The following CDH13 variants were observed in gnomAD, a reference collection of about 807,000 sequenced individuals.
The protein encoded by CDH13 is cadherin 13.
Under a neutral mutation model 63.8 loss-of-function variants are expected in CDH13, and 24 were observed. That is an observed-to-expected ratio of 0.38 (90% CI 0.27 to 0.53). The LOEUF is 0.53. Ranked by LOEUF, CDH13 falls within the 20% of genes least tolerant of loss-of-function variation. The pLI is 0.85. For synonymous variants in CDH13, 503 were observed against 355.3 expected, an observed-to-expected ratio of 1.42 and a Z score of -4.67; for missense variants, 1,049 against 903.1, an observed-to-expected ratio of 1.16 and a Z score of -2.07.
At chr16:82,991,061 C>T (rs1212148266) in intron 2 of CDH13, among the ~76,000 whole-genome samples, 1 of 152,158 alleles carries the variant, frequency 6.6e-6, no homozygotes, top group East Asian at 1.9e-4. Flanking sequence ...GCATCCCTGC[C>T]ATGCACCTGC....
At chr16:82,658,459 A>G (rs552251771) in intron 1 of CDH13, among the ~76,000 whole-genome samples, 1 of 152,228 alleles carries the variant, frequency 6.6e-6, no homozygotes, top group Non-Finnish European at 1.5e-5. Context: ...ACATTTTAAT[A>G]TACTTACTTT....
intron 2 of CDH13, among the ~76,000 whole-genome samples, chr16:82,883,860 A>G (rs905504726): frequency 6.6e-6 from 1 of 152,184 alleles, no homozygotes; most frequent in African/African-American, 2.4e-5. Context: ...ACATAACAGA[A>G]TGCTGAAGAG....
intron 6 of CDH13, among the ~76,000 whole-genome samples, chr16:83,460,783 T>G (rs112500483): frequency 0.012 from 1,737 of 150,990 alleles, 30 homozygotes; most frequent in African/African-American, 0.04. Flanking sequence ...TGCTTTAGCC[T>G]AGGATTTTGT....
chr16:82,651,244 G>A (rs552314735), intron 1 of CDH13, among the ~76,000 whole-genome samples: 2 of 152,192 alleles, frequency 1.3e-5, no homozygotes, highest in South Asian at 4.2e-4. Flanking sequence ...TACATATCAG[G>A]CACCCAGCTA....
chr16:83,078,002 A>G (rs1468117562), intron 3 of CDH13, among the ~76,000 whole-genome samples: 2 of 152,130 alleles, frequency 1.3e-5, no homozygotes, highest in Admixed American at 6.5e-5. Context: ...TTAAAGGAAC[A>G]TTTTGTTCGT....
rs535422805 is a variant in CDH13 at position 83,673,577 on chromosome 16, C to T, written c.1284+2605C>T. 3.3e-5 allele frequency among the ~76,000 whole-genome samples: 5 copies of T among 152,130 alleles called. No individual in the cohort carries two copies. In the South Asian group the frequency reaches 1.0e-3, roughly 32 times the overall value. On this transcript the variant is annotated intron_variant, in intron 9 of 13. Transcript: ENST00000567109. ...AGAGTGAGACTCTGTCTCAAAATAA[C>T]AACAACGAAAAAAGAAAAAAAAGAA...
intron 8 of CDH13, among the ~76,000 whole-genome samples, chr16:83,643,616 T>G (rs1911514466): frequency 6.6e-6 from 1 of 152,198 alleles, no homozygotes; most frequent in Non-Finnish European, 1.5e-5. Flanking sequence ...TTATGCTACC[T>G]GCTTTGGGTG....
chr16:83,183,300 G>T (rs28377467), intron 4 of CDH13, among the ~76,000 whole-genome samples: 2,939 of 152,302 alleles, frequency 0.019, 107 homozygotes, highest in African/African-American at 0.067. Flanking sequence ...AAGAGCTCTT[G>T]TCTGTTGACT....
intron 10 of CDH13, among the ~76,000 whole-genome samples, chr16:83,695,078 G>T (rs542597782): frequency 6.6e-6 from 1 of 151,966 alleles, no homozygotes; most frequent in Non-Finnish European, 1.5e-5. Flanking sequence ...GTGGTGGCGC[G>T]TGCCCATAGT....
rs920274436 is a variant in CDH13 at position 82,837,698 on chromosome 16, G to T, written c.46-20664G>T. Among the ~76,000 whole-genome samples the T allele has an allele frequency of 3.9e-5, 6 of 152,290 alleles. No homozygotes were observed. The South Asian group carries it at 6.2e-4, about 16-fold the overall frequency. ...TGGTTTCTACGAGGGAAGCTCACTG[G>T]AGGCTCAGTGCCCGAGTTTTTACTG... is the stretch of plus-strand genomic sequence containing the variant. On this transcript the variant is annotated intron_variant, in intron 1 of 13. Coordinates refer to ENST00000567109, the MANE Select transcript of CDH13 (RefSeq NM_001257.5).
chr16:82,826,861 G>A (rs2038280368), intron 1 of CDH13, among the ~76,000 whole-genome samples: 1 of 152,200 alleles, frequency 6.6e-6, no homozygotes, highest in African/African-American at 2.4e-5. Context: ...CAGGAAGGGT[G>A]AGGCAGGTTT....
chr16:83,294,628 A>ATG (rs72419474), intron 5 of CDH13, among the ~76,000 whole-genome samples: 3 of 151,688 alleles, frequency 2.0e-5, no homozygotes, highest in African/African-American at 2.4e-5. Context: ...GTATATATAT[A>ATG]TGTGATATTC....
intron 2 of CDH13, among the ~76,000 whole-genome samples, chr16:82,868,624 A>G (rs2040236417): frequency 6.6e-6 from 1 of 152,208 alleles, no homozygotes; most frequent in Non-Finnish European, 1.5e-5. Flanking sequence ...CCCTTGGCCT[A>G]AGTTTTCTTA....
intron 8 of CDH13, among the ~76,000 whole-genome samples, chr16:83,605,179 A>C (rs1217883994): frequency 2.6e-5 from 4 of 152,228 alleles, no homozygotes; most frequent in Non-Finnish European, 5.9e-5. Context: ...AATGAGTTTG[A>C]GATTCCCAAA....
intron 9 of CDH13, among the ~76,000 whole-genome samples, chr16:83,671,529 G>C (rs954354469): frequency 6.6e-6 from 1 of 152,142 alleles, no homozygotes. Context: ...AGTTACAAGT[G>C]TGAGCCACCA....
chr16:83,284,084 T>C lies in CDH13; in HGVS notation c.637-60778T>C, dbSNP rs541842700. Among the ~76,000 whole-genome samples, 4 of 152,328 alleles carry C rather than the reference T, an allele frequency of 2.6e-5. No homozygotes were observed. The East Asian group carries it at 7.7e-4, about 29-fold the overall frequency. ...GTAGTCTGTGTGTTATCAAACACAGTAGTTAGCTTCACAGACAGCCTTATT... is the reference window on the plus strand; with the variant it reads ...GTAGTCTGTGTGTTATCAAACACAGCAGTTAGCTTCACAGACAGCCTTATT... On this transcript the variant is annotated intron_variant, in intron 5 of 13. Transcript: ENST00000567109.
chr16:83,295,495 A>G (rs1432184444), intron 5 of CDH13, among the ~76,000 whole-genome samples: 1 of 152,110 alleles, frequency 6.6e-6, no homozygotes, highest in Non-Finnish European at 1.5e-5. Context: ...AAAACAATGA[A>G]TAATTGAAAA....
intron 2 of CDH13, among the ~76,000 whole-genome samples, chr16:83,017,944 TC>T (rs1914962866): frequency 6.6e-6 from 1 of 152,210 alleles, no homozygotes; most frequent in Non-Finnish European, 1.5e-5. Context: ...TTTTTGTGAA[TC>T]AAGTAGGTTG....
At chr16:83,119,077 G>A (rs530289283) in intron 3 of CDH13, among the ~76,000 whole-genome samples, 18 of 152,206 alleles carry the variant, frequency 1.2e-4, no homozygotes, top group East Asian at 7.7e-4. Flanking sequence ...AAATTCAGCC[G>A]TCATCTGTTC....
Sources: gnomAD v4.1 joint callset for allele counts (sites outside exome capture counted in the v4.1 genomes callset) on GRCh38, gnomAD v4.1.1 for gene constraint, MANE v1.5 for transcripts, NCBI Gene and HGNC (gene_info 2026-07-23, HGNC 2026-07-21) for gene names.